The following PALLD variants were observed in gnomAD, a reference collection of about 807,000 sequenced individuals.
PALLD encodes the protein palladin.
In PALLD, 61 loss-of-function variants were observed where a neutral mutation model predicts 123.5. The ratio of observed to expected loss-of-function variants is 0.49; its 90% CI spans 0.40 to 0.61. The LOEUF is 0.61. Ranked by LOEUF, PALLD falls within the 20% of genes least tolerant of loss-of-function variation. PALLD has a pLI of 0.00. For synonymous variants in PALLD, 465 were observed against 496.4 expected (o/e 0.94, Z 0.84); for missense variants, 1,273 against 1,377.0 (o/e 0.92, Z 1.20).
intron 2 of PALLD, among the ~76,000 whole-genome samples, chr4:168,580,020 T>C (rs1380148164): frequency 6.6e-6 from 1 of 152,012 alleles, no homozygotes; most frequent in African/African-American, 2.4e-5. Flanking sequence ...GTTTGACCAA[T>C]AGCTCCTCAT....
At chr4:168,896,806 T>C (rs1755281238) in intron 13 of PALLD, among the ~76,000 whole-genome samples, 1 of 152,130 alleles carries the variant, frequency 6.6e-6, no homozygotes, top group Non-Finnish European at 1.5e-5. Context: ...AATTTATTTA[T>C]TTATTTTTAC....
At chr4:168,858,849 G>T (rs1297968411) in intron 10 of PALLD, among the ~76,000 whole-genome samples, 1 of 151,890 alleles carries the variant, frequency 6.6e-6, no homozygotes, top group Non-Finnish European at 1.5e-5. Context: ...GTAGTTTCTT[G>T]GAAGAAAGAT....
Position 168,717,602 on chromosome 4 carries a change from C to T in PALLD, c.1964+5679C>T, listed in dbSNP as rs143080545. ...CTGACCTCAGGTGATGCACCCACCT[C>T]GGCCTCCCAAAGTGCTGGGATATCA... On this transcript the variant is annotated intron_variant, in intron 10 of 21. Coordinates refer to ENST00000505667, the MANE Select transcript of PALLD (RefSeq NM_001166108.2). Among the ~76,000 whole-genome samples, 276 of 152,274 alleles carry T rather than the reference C, an allele frequency of 1.8e-3. 2 individuals carry two copies. The highest frequency in any genetic ancestry group is 6.8e-3 in the Middle Eastern group (2 of 294).
At chr4:168,841,196 C>T (rs1745989943) in intron 10 of PALLD, among the ~76,000 whole-genome samples, 2 of 152,124 alleles carry the variant, frequency 1.3e-5, no homozygotes, top group Admixed American at 6.5e-5. Context: ...TTGGGACTTT[C>T]CCAAGGTGAG....
At chr4:168,744,650 A>G (rs778419160) in intron 10 of PALLD, among the ~76,000 whole-genome samples, 1 of 152,222 alleles carries the variant, frequency 6.6e-6, no homozygotes, top group African/African-American at 2.4e-5. Context: ...CAAAGAGGAC[A>G]ATTCAGACAG....
At chr4:168,678,967 G>A (rs1381647581) in intron 3 of PALLD, among the ~76,000 whole-genome samples, 1 of 145,876 alleles carries the variant, frequency 6.9e-6, no homozygotes, top group African/African-American at 2.5e-5. Context: ...TGGGTGTGAT[G>A]TGTGTGGTGT....
At chr4:168,780,737 G>T (rs1459434424) in intron 10 of PALLD, among the ~76,000 whole-genome samples, 4 of 152,142 alleles carry the variant, frequency 2.6e-5, no homozygotes, top group Non-Finnish European at 5.9e-5. Context: ...ACCCAGGCTG[G>T]AGTGCAGTGG....
chr4:168,708,702 C>G (rs1426082207), intron 8 of PALLD, among the ~76,000 whole-genome samples: 1 of 152,092 alleles, frequency 6.6e-6, no homozygotes, highest in Non-Finnish European at 1.5e-5. Context: ...CTCCTACATG[C>G]AAAATACAGA....
At chr4:168,861,339 T>G (rs765431016) in intron 10 of PALLD, among the ~76,000 whole-genome samples, 3 of 151,896 alleles carry the variant, frequency 2.0e-5, no homozygotes, top group Non-Finnish European at 4.4e-5. Flanking sequence ...ATCTATATGC[T>G]TATTATGTAT....
chr4:168,582,205 C>T lies in PALLD; in HGVS notation c.908+69793C>T, dbSNP rs111940346. Among the ~76,000 whole-genome samples, 503 of 152,096 alleles carry T rather than the reference C, an allele frequency of 3.3e-3. 4 individuals are homozygous for T. Among genetic ancestry groups the T allele is most frequent in the African/African-American group, 0.011 (470 of 41,524 alleles). ...ATTTTTCACCTCCTTGATTAAATGT[C>T]TTCTTAGGTATTTTATTGATTTTAT... On this transcript the variant is annotated intron_variant, in intron 2 of 21. Coordinates refer to ENST00000505667, the MANE Select transcript of PALLD (RefSeq NM_001166108.2).
At chr4:168,623,789 T>A (rs768091955) in intron 2 of PALLD, among the ~76,000 whole-genome samples, 1 of 152,032 alleles carries the variant, frequency 6.6e-6, no homozygotes, top group Non-Finnish European at 1.5e-5. Flanking sequence ...ATAGTGAAAC[T>A]CAAAATGAGG....
At position 168,611,741 on chromosome 4, in the gene PALLD, G is replaced by A. The variant is rs551889981; in HGVS notation, c.909-56449G>A. On this transcript the variant is annotated intron_variant, in intron 2 of 21. Transcript: ENST00000505667. ...TGGAATCTGGGCTGATACTGCTCAC[G>A]GATTTTTCTTCTTTCTGGTAGTACA... 3.3e-5 allele frequency among the ~76,000 whole-genome samples: 5 copies of A among 152,176 alleles called. No individual in the cohort carries two copies. The South Asian group carries it at 8.3e-4, about 25-fold the overall frequency.
chr4:168,739,124 A>G (rs1358962594), intron 10 of PALLD, among the ~76,000 whole-genome samples: 1 of 152,144 alleles, frequency 6.6e-6, no homozygotes, highest in Non-Finnish European at 1.5e-5. Flanking sequence ...TTTATTGCCA[A>G]ATTGTATTCC....
intron 10 of PALLD, chr4:168,832,078 C>A: frequency 1.0e-6 from 1 of 985,432 alleles, no homozygotes; most frequent in Non-Finnish European, 1.2e-6. Flanking sequence ...AAGCCCGATA[C>A]CTGCCCCGCG....
At chr4:168,615,017 G>C (rs1190889164) in intron 2 of PALLD, among the ~76,000 whole-genome samples, 1 of 152,186 alleles carries the variant, frequency 6.6e-6, no homozygotes, top group Non-Finnish European at 1.5e-5. Context: ...CCAGTGCATG[G>C]ATATTAGGAG....
At chr4:168,622,296 G>A (rs1774838633) in intron 2 of PALLD, among the ~76,000 whole-genome samples, 2 of 152,124 alleles carry the variant, frequency 1.3e-5, no homozygotes, top group South Asian at 2.1e-4. Context: ...CCCGAATCAC[G>A]AGGGTGCTTT....
chr4:168,865,188 G>C (rs1024126263), intron 10 of PALLD, among the ~76,000 whole-genome samples: 2 of 152,236 alleles, frequency 1.3e-5, no homozygotes, highest in South Asian at 4.1e-4. Context: ...GGCCTCTAAG[G>C]AATGTCAAGG....
chr4:168,748,811 C>T (rs1010125862), intron 10 of PALLD, among the ~76,000 whole-genome samples: 2 of 152,210 alleles, frequency 1.3e-5, no homozygotes, highest in African/African-American at 4.8e-5. Flanking sequence ...CAGTTATCTG[C>T]CATGTGGCCC....
chr4:168,780,752 A>G (rs1388353160), intron 10 of PALLD, among the ~76,000 whole-genome samples: 3 of 152,292 alleles, frequency 2.0e-5, no homozygotes, highest in South Asian at 4.2e-4. Flanking sequence ...CAGTGGCACA[A>G]TCTCGGCTCA....
Sources: gnomAD v4.1 joint callset for allele counts (sites outside exome capture counted in the v4.1 genomes callset) on GRCh38, gnomAD v4.1.1 for gene constraint, MANE v1.5 for transcripts, NCBI Gene and HGNC (gene_info 2026-07-23, HGNC 2026-07-21) for gene names.